Variants in PLEKHG1 observed in about 807,000 individuals in gnomAD.
PLEKHG1 encodes the protein pleckstrin homology and RhoGEF domain containing G1.
Under a neutral mutation model 100.8 loss-of-function variants are expected in PLEKHG1, and 44 were observed. The observed-to-expected ratio is 0.44, with a 90% CI of 0.34 to 0.56. PLEKHG1 has a LOEUF of 0.56. Ranked by LOEUF, PLEKHG1 falls within the 20% of genes least tolerant of loss-of-function variation. The pLI, the probability that PLEKHG1 is intolerant of heterozygous loss-of-function variation, is 0.01. For synonymous variants in PLEKHG1, 640 were observed against 662.5 expected (o/e 0.97, Z 0.52); for missense variants, 1,545 against 1,720.9 (o/e 0.90, Z 1.81).
chr6:150,637,173 G>A (rs1334896171), intron 1 of PLEKHG1, among the ~76,000 whole-genome samples: 1 of 152,142 alleles, frequency 6.6e-6, no homozygotes, highest in Non-Finnish European at 1.5e-5. Flanking sequence ...TTTTGTCTCT[G>A]AGTGGCTTCT....
intron 3 of PLEKHG1, among the ~76,000 whole-genome samples, chr6:150,687,846 T>A (rs1475750197): frequency 1.3e-5 from 2 of 152,208 alleles, no homozygotes; most frequent in Non-Finnish European, 2.9e-5. Context: ...TACCAGACAT[T>A]TTTTTAGGCA....
At position 150,600,069 on chromosome 6, in the gene PLEKHG1, G is replaced by T; in HGVS notation, c.-204+52G>T. 5.4e-6 allele frequency: 1 copy of T among 184,668 alleles called. No individual in the cohort carries two copies. Among genetic ancestry groups the T allele is most frequent in the Non-Finnish European group, 1.2e-5 (1 of 84,604 alleles). The allele number at this position is 184,668 out of a possible 1,614,324, so 11.4% of individuals were successfully genotyped here. A position where few individuals can be genotyped will look rare whatever the true frequency, so the allele number is the denominator to read the frequency against. ...CTGGGGACTTTTCCAGGGATGGGAG[G>T]GGGGACCCGGGGACCTCCGGCGGGA... On this transcript the variant is annotated intron_variant, in intron 1 of 3. Transcript: ENST00000367326. This position sits in a 1 kb window ranked among gnomAD's most constrained non-coding sequence, Gnocchi z 6.2.
intron 3 of PLEKHG1, among the ~76,000 whole-genome samples, chr6:150,777,328 TACTC>T (rs1203354639): frequency 1.4e-5 from 2 of 145,906 alleles, no homozygotes; most frequent in Non-Finnish European, 3.0e-5. Flanking sequence ...AGTTGCACAT[TACTC>T]ACACTGATGC....
At chr6:150,631,253 G>GTC (rs775466269) in intron 1 of PLEKHG1, among the ~76,000 whole-genome samples, 20 of 151,760 alleles carry the variant, frequency 1.3e-4, no homozygotes, top group South Asian at 2.1e-4. Context: ...TTCAATTCCT[G>GTC]TCTCTCTCTC....
intron 1 of PLEKHG1, among the ~76,000 whole-genome samples, chr6:150,615,682 A>C (rs1294695036): frequency 6.6e-6 from 1 of 152,244 alleles, no homozygotes; most frequent in African/African-American, 2.4e-5. Context: ...TACTAGAAAG[A>C]GTAGAATGGA....
chr6:150,763,814 G>T (rs1784309308), intron 2 of PLEKHG1, among the ~76,000 whole-genome samples: 1 of 152,220 alleles, frequency 6.6e-6, no homozygotes, highest in South Asian at 2.1e-4. Context: ...TCATGCCACA[G>T]TGGATGAGAA....
intron 3 of PLEKHG1, among the ~76,000 whole-genome samples, chr6:150,694,181 C>G (rs1380076427): frequency 6.6e-6 from 1 of 152,294 alleles, no homozygotes; most frequent in Non-Finnish European, 1.5e-5. Flanking sequence ...TCCTGGCATG[C>G]AGGACTCTGC....
At chr6:150,764,807 G>A (rs1372611571) in intron 2 of PLEKHG1, among the ~76,000 whole-genome samples, 3 of 152,044 alleles carry the variant, frequency 2.0e-5, no homozygotes, top group East Asian at 1.9e-4. Context: ...TCCCTGGAAC[G>A]GACCACTTCC....
At chr6:150,773,410 T>C (rs1237639033) in intron 3 of PLEKHG1, among the ~76,000 whole-genome samples, 6 of 152,216 alleles carry the variant, frequency 3.9e-5, no homozygotes, top group Admixed American at 3.9e-4. Context: ...GGCGAGTGCC[T>C]GTAATCCCAG....
intron 10 of PLEKHG1, among the ~76,000 whole-genome samples, chr6:150,815,367 C>T (rs961101629): frequency 1.3e-5 from 2 of 151,010 alleles, no homozygotes; most frequent in African/African-American, 4.9e-5. Flanking sequence ...AATGTCCAGA[C>T]AAAAAAAAAT....
chr6:150,808,059 A>C (rs1270198380), intron 7 of PLEKHG1, among the ~76,000 whole-genome samples: 1 of 152,240 alleles, frequency 6.6e-6, no homozygotes, highest in Non-Finnish European at 1.5e-5. Context: ...AAAATAACTG[A>C]AAGTATAATT....
At chr6:150,670,513 A>G (rs563495532) in intron 3 of PLEKHG1, among the ~76,000 whole-genome samples, 3 of 152,330 alleles carry the variant, frequency 2.0e-5, no homozygotes, top group Non-Finnish European at 2.9e-5. Context: ...CCAGTCACAA[A>G]TCTGAGCATG....
intron 3 of PLEKHG1, among the ~76,000 whole-genome samples, chr6:150,771,946 A>G (rs1430230173): frequency 6.6e-6 from 1 of 152,184 alleles, no homozygotes; most frequent in Non-Finnish European, 1.5e-5. Flanking sequence ...AGTTTGTCAT[A>G]TTACTCCTTT....
chr6:150,809,170 T>C, exon 8 of PLEKHG1: 2 of 1,613,330 alleles, frequency 1.2e-6, no homozygotes, highest in Non-Finnish European at 1.7e-6. Flanking sequence ...AACTGGTGCT[T>C]GAGGGAACCT....
intron 5 of PLEKHG1, among the ~76,000 whole-genome samples, chr6:150,798,845 A>G (rs1786521189): frequency 6.6e-6 from 1 of 152,152 alleles, no homozygotes; most frequent in South Asian, 2.1e-4. Flanking sequence ...GGTTCAAGCA[A>G]TTCTCTTGTC....
At chr6:150,790,054 CTT>C (rs1403682203) in intron 4 of PLEKHG1, among the ~76,000 whole-genome samples, 2 of 152,066 alleles carry the variant, frequency 1.3e-5, no homozygotes, top group Non-Finnish European at 1.5e-5. Flanking sequence ...GAGTTTCGCT[CTT>C]GTCACCCAGG....
intron 2 of PLEKHG1, among the ~76,000 whole-genome samples, chr6:150,751,814 G>C (rs1017494296): frequency 2.6e-5 from 4 of 152,294 alleles, no homozygotes; most frequent in African/African-American, 9.6e-5. Flanking sequence ...TGTGAATTAT[G>C]GCCCAGAGCA....
At chr6:150,734,208 T>C (rs1782447707) in intron 2 of PLEKHG1, 116 bp downstream of exon 3, 3 of 1,013,690 alleles carry the variant, frequency 3.0e-6, no homozygotes, top group Non-Finnish European at 4.4e-6. Flanking sequence ...GGGATGTGAA[T>C]GTTTAAAGAG....
chr6:150,800,265 G>A (rs912149865), intron 5 of PLEKHG1, among the ~76,000 whole-genome samples: 5 of 152,064 alleles, frequency 3.3e-5, no homozygotes, highest in African/African-American at 9.7e-5. Flanking sequence ...GCTCTGACGG[G>A]GGGCTGGATC....
Sources: allele counts gnomAD v4.1 joint callset (sites outside exome capture counted in the v4.1 genomes callset), GRCh38; gene constraint gnomAD v4.1.1; non-coding constraint Gnocchi (gnomAD v3.1); transcripts MANE v1.5; gene names NCBI Gene and HGNC (gene_info 2026-07-23, HGNC 2026-07-21).